Variants in XPR1 observed in about 807,000 individuals in gnomAD.
XPR1 encodes xenotropic and polytropic retrovirus receptor 1.
XPR1 carries 28 observed loss-of-function variants against 87.5 expected under a neutral mutation model. That is an observed-to-expected ratio of 0.32 (90% confidence interval 0.24 to 0.44). The LOEUF (loss-of-function observed/expected upper bound fraction) is 0.44. Ranked by LOEUF, XPR1 falls within the 20% of genes least tolerant of loss-of-function variation. The pLI, the probability that XPR1 is intolerant of heterozygous loss-of-function variation, is 1.00. For missense variants in XPR1, 559 were observed against 862.3 expected (o/e 0.65, Z 4.41); for synonymous variants, 300 against 306.1 (o/e 0.98, Z 0.21).
intron 2 of XPR1, among the ~76,000 whole-genome samples, chr1:180,694,179 T>C (rs976081786): frequency 6.6e-6 from 1 of 152,176 alleles, no homozygotes; most frequent in Non-Finnish European, 1.5e-5. Flanking sequence ...AGGCTGATCT[T>C]GAACTCCTGG....
intron 1 of XPR1, 73 bp from the exon 2 acceptor site, chr1:180,682,287 T>A: frequency 8.2e-7 from 1 of 1,218,608 alleles, no homozygotes; most frequent in Non-Finnish European, 1.1e-6. Context: ...GAAAAAGAAC[T>A]GTTTAGCTTC....
intron 11 of XPR1, among the ~76,000 whole-genome samples, chr1:180,846,979 C>T (rs958359120): frequency 2.0e-5 from 3 of 152,082 alleles, no homozygotes; most frequent in African/African-American, 7.2e-5. Context: ...TCAGGCCTCT[C>T]TCTAAATACT....
intron 1 of XPR1, among the ~76,000 whole-genome samples, chr1:180,647,391 A>G (rs898569808): frequency 6.6e-6 from 1 of 152,248 alleles, no homozygotes; most frequent in Non-Finnish European, 1.5e-5. Flanking sequence ...TACTAAGGCA[A>G]TAGGAATTTT....
intron 8 of XPR1, 93 bp downstream of exon 8, chr1:180,825,036 TGAA>T: frequency 6.8e-7 from 1 of 1,476,016 alleles, no homozygotes; most frequent in Non-Finnish European, 9.1e-7. Context: ...ATCCTCTACT[TGAA>T]GAGGATTATT....
intron 2 of XPR1, among the ~76,000 whole-genome samples, chr1:180,786,470 A>G (rs1264860205): frequency 6.6e-6 from 1 of 152,126 alleles, no homozygotes; most frequent in Non-Finnish European, 1.5e-5. Flanking sequence ...GAGATCCAGG[A>G]ATAGGATAGT....
intron 7 of XPR1, among the ~76,000 whole-genome samples, chr1:180,822,903 A>G (rs1008044334): frequency 6.6e-6 from 1 of 152,188 alleles, no homozygotes; most frequent in Non-Finnish European, 1.5e-5. Flanking sequence ...TATATACTAC[A>G]GAGAATACAA....
intron 2 of XPR1, among the ~76,000 whole-genome samples, chr1:180,708,664 A>G (rs1657638280): frequency 6.6e-6 from 1 of 151,922 alleles, no homozygotes; most frequent in Non-Finnish European, 1.5e-5. Flanking sequence ...GGAAAACGTG[A>G]CTCTGCATAT....
At chr1:180,841,315 T>C (rs1378563902) in intron 11 of XPR1, among the ~76,000 whole-genome samples, 1 of 152,050 alleles carries the variant, frequency 6.6e-6, no homozygotes, top group Non-Finnish European at 1.5e-5. Context: ...CTCAAGGACA[T>C]GTAATTTGTG....
intron 1 of XPR1, among the ~76,000 whole-genome samples, chr1:180,655,075 G>A (rs917306455): frequency 6.6e-6 from 1 of 151,964 alleles, no homozygotes; most frequent in East Asian, 1.9e-4. Context: ...CCACCTTTTT[G>A]CCAACACTTA....
intron 1 of XPR1, among the ~76,000 whole-genome samples, chr1:180,671,690 T>G (rs552730276): frequency 6.6e-6 from 1 of 152,130 alleles, no homozygotes; most frequent in Non-Finnish European, 1.5e-5. Context: ...AATTTCTGTA[T>G]TTTTAGTAGA....
At chr1:180,826,402 G>A (rs1650837825) in intron 9 of XPR1, among the ~76,000 whole-genome samples, 1 of 151,954 alleles carries the variant, frequency 6.6e-6, no homozygotes, top group African/African-American at 2.4e-5. Context: ...TAAAAAATTA[G>A]CTGGGTGTGA....
At chr1:180,752,131 A>G (rs1238246367) in intron 2 of XPR1, among the ~76,000 whole-genome samples, 1 of 152,186 alleles carries the variant, frequency 6.6e-6, no homozygotes, top group African/African-American at 2.4e-5. Flanking sequence ...TTGAATATTT[A>G]TGGCATGAAT....
Position 180,873,897 on chromosome 1 carries a change from C to T in XPR1, c.1763C>T (p.Ser588Phe). 1 of 1,614,160 alleles carries T rather than the reference C, an allele frequency of 6.2e-7. No individual in the cohort carries two copies. Among genetic ancestry groups the T allele is most frequent in the Non-Finnish European group, 8.5e-7 (1 of 1,180,010 alleles). ...SITSTTLLPH[S>F]GDIIATVFAP... ...ACCTCTACAACTTTGTTGCCTCATT[C>T]TGGGGACATCATTGCTACTGTCTTT... Residue 588 changes from serine (S) to phenylalanine (F), a missense_variant, in exon 13 of 15, where the codon TCT becomes TTT. Physicochemically the swap from Ser to Phe is radical, Grantham distance 155. This residue lies in a region of XPR1 where 264 missense variants were observed against 377.2 expected (regional missense o/e 0.70). Transcript: ENST00000367590.
At chr1:180,732,576 G>A (rs1658593589) in intron 2 of XPR1, among the ~76,000 whole-genome samples, 2 of 152,170 alleles carry the variant, frequency 1.3e-5, no homozygotes, top group Non-Finnish European at 2.9e-5. Context: ...GTGCAATGGG[G>A]GAGTGGCTCA....
At chr1:180,880,972 A>T (rs1652835576) in intron 14 of XPR1, among the ~76,000 whole-genome samples, 1 of 152,206 alleles carries the variant, frequency 6.6e-6, no homozygotes, top group East Asian at 1.9e-4. Flanking sequence ...TAGGTTGAGG[A>T]TGAACGGTTT....
intron 2 of XPR1, among the ~76,000 whole-genome samples, chr1:180,759,961 A>T (rs1234995258): frequency 6.6e-6 from 1 of 152,246 alleles, no homozygotes; most frequent in Non-Finnish European, 1.5e-5. Flanking sequence ...TGTTCAACAT[A>T]CGCAAATCAA....
At chr1:180,821,118 CT>C (rs1283756780) in intron 7 of XPR1, among the ~76,000 whole-genome samples, 1 of 151,772 alleles carries the variant, frequency 6.6e-6, no homozygotes, top group Non-Finnish European at 1.5e-5. Flanking sequence ...ACCTAAGAAT[CT>C]ATTGCCAAAT....
At chr1:180,805,113 T>G (rs1020456229) in intron 4 of XPR1, among the ~76,000 whole-genome samples, 1 of 152,142 alleles carries the variant, frequency 6.6e-6, no homozygotes, top group Non-Finnish European at 1.5e-5. Context: ...ATTTTGAGAA[T>G]GAAGGAGAAA....
intron 14 of XPR1, among the ~76,000 whole-genome samples, chr1:180,881,161 C>A (rs1412860100): frequency 6.6e-6 from 1 of 151,782 alleles, no homozygotes. Context: ...AGGAATGAGT[C>A]ACAGATAATT....
Sources: gnomAD v4.1 joint callset for allele counts (sites outside exome capture counted in the v4.1 genomes callset) on GRCh38, gnomAD v4.1.1 for gene constraint, gnomAD v4.1.1 regional missense constraint, MANE v1.5 for transcripts, NCBI Gene and HGNC (gene_info 2026-07-23, HGNC 2026-07-21) for gene names.